NTM: variants seen among roughly 807,000 people sequenced by gnomAD.
The protein encoded by NTM is neurotrimin.
NTM carries 13 observed loss-of-function variants against 42.1 expected under a neutral mutation model. That is an observed-to-expected ratio of 0.31 (90% CI 0.20 to 0.49). NTM has a LOEUF of 0.49. NTM is among the 20% of genes least tolerant of loss of function. NTM has a pLI of 0.99. For missense variants in NTM, 373 were observed against 452.8 expected (o/e 0.82, Z 1.60); for synonymous variants, 187 against 179.2 (o/e 1.04, Z -0.35).
At chr11:132,015,681 G>A (rs2073279919) in intron 2 of NTM, among the ~76,000 whole-genome samples, 1 of 118,774 alleles carries the variant, frequency 8.4e-6, no homozygotes, top group South Asian at 3.1e-4. Flanking sequence ...TGCAGCTAAT[G>A]TAAGTGTGAT....
intron 1 of NTM, among the ~76,000 whole-genome samples, chr11:131,424,953 C>T (rs1947971839): frequency 6.6e-6 from 1 of 150,384 alleles, no homozygotes; most frequent in Non-Finnish European, 1.5e-5. Context: ...GATCTTGGCT[C>T]ATTGAAACCT....
chr11:131,613,110 C>A (rs2137556377), intron 1 of NTM, among the ~76,000 whole-genome samples: 1 of 152,346 alleles, frequency 6.6e-6, no homozygotes, highest in East Asian at 1.9e-4. Flanking sequence ...ATTCCCACTT[C>A]CCTTACAGAA....
intron 1 of NTM, among the ~76,000 whole-genome samples, chr11:131,852,547 A>G (rs1054067000): frequency 6.6e-6 from 1 of 152,178 alleles, no homozygotes; most frequent in Non-Finnish European, 1.5e-5. Flanking sequence ...ATGTCCTGCC[A>G]CTGCTCTGGC....
At chr11:131,934,934 G>A (rs2059045838) in intron 2 of NTM, among the ~76,000 whole-genome samples, 1 of 152,180 alleles carries the variant, frequency 6.6e-6, no homozygotes, top group Non-Finnish European at 1.5e-5. Context: ...ATGGAGCAGT[G>A]ACATGCTCCG....
chr11:132,216,679 T>G (rs1431612638), intron 4 of NTM, among the ~76,000 whole-genome samples: 1 of 152,240 alleles, frequency 6.6e-6, no homozygotes, highest in African/African-American at 2.4e-5. Context: ...GATTCTCTCC[T>G]TCTAGCACAA....
intron 1 of NTM, among the ~76,000 whole-genome samples, chr11:131,844,049 T>C (rs1259841165): frequency 6.6e-6 from 1 of 152,174 alleles, no homozygotes; most frequent in Non-Finnish European, 1.5e-5. Flanking sequence ...TTTATTTTCT[T>C]TGATGAGTTT....
At chr11:132,286,798 C>G (rs1208772325) in intron 4 of NTM, among the ~76,000 whole-genome samples, 6 of 152,182 alleles carry the variant, frequency 3.9e-5, no homozygotes, top group African/African-American at 1.2e-4. Flanking sequence ...AATGGTGTAT[C>G]CAATGAGAAA....
intron 1 of NTM, among the ~76,000 whole-genome samples, chr11:131,825,113 C>T (rs186483885): frequency 6.6e-6 from 1 of 152,270 alleles, no homozygotes; most frequent in Non-Finnish European, 1.5e-5. Flanking sequence ...TCTTGTCCAG[C>T]TTCTGGTGGG....
intron 1 of NTM, among the ~76,000 whole-genome samples, chr11:131,529,008 T>C (rs372104467): frequency 2.6e-5 from 4 of 152,166 alleles, no homozygotes; most frequent in African/African-American, 9.7e-5. Context: ...GCTCAGTAAA[T>C]ATATATTGCA....
At chr11:132,189,978 T>C (rs2079043726) in intron 3 of NTM, among the ~76,000 whole-genome samples, 1 of 152,218 alleles carries the variant, frequency 6.6e-6, no homozygotes, top group Non-Finnish European at 1.5e-5. Flanking sequence ...GATAGGTACA[T>C]ATACGAATAG....
chr11:132,081,887 G>T (rs1030340640), intron 2 of NTM, among the ~76,000 whole-genome samples: 28 of 149,032 alleles, frequency 1.9e-4, no homozygotes, highest in Non-Finnish European at 4.0e-4. Flanking sequence ...AATATAGCAA[G>T]ACTAAATATA....
intron 1 of NTM, among the ~76,000 whole-genome samples, chr11:131,595,835 A>G (rs550980509): frequency 6.6e-6 from 1 of 152,384 alleles, no homozygotes; most frequent in African/African-American, 2.4e-5. Flanking sequence ...ACTTCAGAGC[A>G]GATTCAGGGA....
intron 3 of NTM, among the ~76,000 whole-genome samples, chr11:132,157,565 G>A (rs1014496007): frequency 3.9e-5 from 6 of 152,150 alleles, no homozygotes; most frequent in South Asian, 2.1e-4. Context: ...CATTGATGTC[G>A]CCTAGCATTA....
chr11:131,756,227 G>A (rs753998167), intron 1 of NTM, among the ~76,000 whole-genome samples: 60 of 152,170 alleles, frequency 3.9e-4, no homozygotes, highest in Non-Finnish European at 7.6e-4. Flanking sequence ...AAGAAAGGAG[G>A]CACAGAAGTG....
intron 1 of NTM, among the ~76,000 whole-genome samples, chr11:131,523,351 T>G (rs1220915079): frequency 2.0e-5 from 3 of 152,220 alleles, no homozygotes; most frequent in Non-Finnish European, 4.4e-5. Context: ...CACCAGATTT[T>G]ATGATTCAAA....
chr11:131,794,608 A>C, intron 1 of NTM: 1 of 970,780 alleles, frequency 1.0e-6, no homozygotes, highest in South Asian at 4.9e-5. Context: ...ACACAAAATA[A>C]GTGCTGGATG....
intron 2 of NTM, among the ~76,000 whole-genome samples, chr11:131,979,894 C>G (rs560678851): frequency 1.3e-5 from 2 of 152,120 alleles, no homozygotes; most frequent in Non-Finnish European, 2.9e-5. Context: ...TATGTAGGGC[C>G]ATTCTCTATA....
Position 131,985,933 on chromosome 11 carries a change from G to A in NTM, c.167+74285G>A, listed in dbSNP as rs116838849. On this transcript the variant is annotated intron_variant, in intron 2 of 8. Coordinates refer to ENST00000683400, the MANE Select transcript of NTM (RefSeq NM_001352005.2). ...TGAGTGTTCCACGAGTGTTTGCTCT[G>A]TTCACCTCCCTCCGCCCTCTAGGCA... Among the ~76,000 whole-genome samples, 189 of 152,264 alleles carry A rather than the reference G, an allele frequency of 1.2e-3. 1 individual carries two copies. The highest frequency in any genetic ancestry group is 4.3e-3 in the African/African-American group (177 of 41,552).
intron 1 of NTM, among the ~76,000 whole-genome samples, chr11:131,547,430 G>A (rs1278133979): frequency 1.3e-5 from 2 of 152,208 alleles, no homozygotes; most frequent in African/African-American, 4.8e-5. Flanking sequence ...CGTCTTGCAC[G>A]GGAAGAGACT....
Sources: allele counts gnomAD v4.1 joint callset (sites outside exome capture counted in the v4.1 genomes callset), GRCh38; gene constraint gnomAD v4.1.1; transcripts MANE v1.5; gene names NCBI Gene and HGNC (gene_info 2026-07-23, HGNC 2026-07-21).